GALNT13: variants seen among roughly 807,000 people sequenced by gnomAD.
The protein encoded by GALNT13 is UDP-GalNAc:polypeptide N-acetylgalactosaminyltransferase 13.
GALNT13 carries 28 observed loss-of-function variants against 64.2 expected under a neutral mutation model. That is an observed-to-expected ratio of 0.44 (90% confidence interval 0.32 to 0.60). The LOEUF is 0.60. Among genes scored for constraint, GALNT13 ranks in the 20% least tolerant of loss-of-function variants. The probability of loss-of-function intolerance (pLI) is 0.05; values close to 1 mark genes in which losing one functional copy is unlikely to be tolerated. For synonymous variants in GALNT13, 214 were observed against 224.6 expected, an observed-to-expected ratio of 0.95 and a Z score of 0.42; for missense variants, 577 against 669.8, an observed-to-expected ratio of 0.86 and a Z score of 1.53.
intron 4 of GALNT13, among the ~76,000 whole-genome samples, chr2:154,163,514 G>A (rs949971198): frequency 3.3e-5 from 5 of 152,086 alleles, no homozygotes; most frequent in African/African-American, 1.2e-4. Context: ...CTTTAGTACG[G>A]TGTTCTGTTA....
At chr2:153,162,759 A>C in the GALNT13 span, among the ~76,000 whole-genome samples, 3 of 152,240 alleles carry the variant, frequency 2.0e-5, no homozygotes, top group Non-Finnish European at 4.4e-5. Context: ...GAAAATGTCA[A>C]ATGTAGTGAG....
At chr2:154,179,449 AACTTCC>A (rs1383958357) in intron 4 of GALNT13, among the ~76,000 whole-genome samples, 2 of 152,146 alleles carry the variant, frequency 1.3e-5, no homozygotes, top group African/African-American at 4.8e-5. Flanking sequence ...TGTATGATTT[AACTTCC>A]TGTTGATTCT....
chr2:153,203,654 C>T, the GALNT13 span, among the ~76,000 whole-genome samples: 1 of 152,156 alleles, frequency 6.6e-6, no homozygotes. Context: ...TATATAGTTG[C>T]ATTGAACAGT....
intron 3 of GALNT13, among the ~76,000 whole-genome samples, chr2:154,090,716 G>A (rs763197036): frequency 5.9e-5 from 9 of 151,726 alleles, no homozygotes; most frequent in Non-Finnish European, 1.3e-4. Flanking sequence ...TCCTCTATTA[G>A]GATATTTTAT....
intron 9 of GALNT13, among the ~76,000 whole-genome samples, chr2:154,365,658 T>C (rs1392786849): frequency 1.3e-5 from 2 of 152,224 alleles, no homozygotes; most frequent in Non-Finnish European, 2.9e-5. Context: ...TAAGGAAATG[T>C]TTCTTCACCA....
chr2:153,068,325 G>A, the GALNT13 span, among the ~76,000 whole-genome samples: 1 of 152,170 alleles, frequency 6.6e-6, no homozygotes, highest in Admixed American at 6.5e-5. Flanking sequence ...TTAAATGGTA[G>A]GGCTGAACTT....
At chr2:153,212,899 A>AT in the GALNT13 span, among the ~76,000 whole-genome samples, 373 of 152,334 alleles carry the variant, frequency 2.4e-3, no homozygotes, top group Non-Finnish European at 4.2e-3. Context: ...ATTTCAAGTT[A>AT]TGTTGCTGTG....
chr2:153,762,938 AT>A, the GALNT13 span, among the ~76,000 whole-genome samples: 2 of 151,956 alleles, frequency 1.3e-5, no homozygotes. Context: ...TAAGACTTGC[AT>A]AAAACATACT....
intron 2 of GALNT13, among the ~76,000 whole-genome samples, chr2:153,925,058 A>G (rs1424218757): frequency 6.6e-6 from 1 of 152,158 alleles, no homozygotes; most frequent in Non-Finnish European, 1.5e-5. Context: ...CTTTAATTTA[A>G]TTAGATTCCA....
intron 4 of GALNT13, among the ~76,000 whole-genome samples, chr2:154,203,529 A>C (rs1336459545): frequency 6.6e-6 from 1 of 152,106 alleles, no homozygotes; most frequent in African/African-American, 2.4e-5. Flanking sequence ...ACCTCCTCCT[A>C]GTCATGTAAT....
chr2:153,706,451 G>T, the GALNT13 span, among the ~76,000 whole-genome samples: 1 of 152,164 alleles, frequency 6.6e-6, no homozygotes, highest in African/African-American at 2.4e-5. Context: ...CTCAACTAGA[G>T]ATTAATGTAT....
At chr2:153,872,619 C>T (rs71351089) in intron 1 of GALNT13, among the ~76,000 whole-genome samples, 12 of 16,282 alleles carry the variant, frequency 7.4e-4, no homozygotes, top group Non-Finnish European at 1.0e-3. Flanking sequence ...TTGTTGGTGG[C>T]GGGGGGGGGG....
At chr2:154,353,290 T>TTA (rs1696516290) in intron 9 of GALNT13, among the ~76,000 whole-genome samples, 2 of 152,124 alleles carry the variant, frequency 1.3e-5, no homozygotes, top group Admixed American at 1.3e-4. Context: ...TTTAAAAAAA[T>TTA]TATATTCACT....
the GALNT13 span, among the ~76,000 whole-genome samples, chr2:153,299,846 G>A: frequency 1.3e-5 from 2 of 152,114 alleles, no homozygotes; most frequent in Non-Finnish European, 2.9e-5. Flanking sequence ...TTCCATATTT[G>A]TAGCATTTCA....
chr2:153,520,553 C>G, the GALNT13 span, among the ~76,000 whole-genome samples: 2 of 152,202 alleles, frequency 1.3e-5, no homozygotes, highest in East Asian at 3.9e-4. Flanking sequence ...TCTTTATTTT[C>G]TGGTCAGAAA....
chr2:154,242,072 T>C lies in GALNT13; in HGVS notation c.354T>C (p.Ser118=). The C allele has an allele frequency of 6.2e-7, 1 of 1,608,952 alleles. No individual in the cohort carries two copies. The highest frequency in any genetic ancestry group is 1.1e-5 in the South Asian group (1 of 90,488). Residue 118 remains serine (S), a synonymous_variant, in exon 5 of 13, where the codon AGT becomes AGC. Coordinates refer to ENST00000392825, the MANE Select transcript of GALNT13 (RefSeq NM_052917.4). ...KVYPDELPNT[S]VVIVFHNEAW... ...ACCCTGATGAACTTCCAAACACAAG[T>C]GTAGTCATTGTGTTTCATAATGAAG...
At chr2:153,176,474 A>G in the GALNT13 span, among the ~76,000 whole-genome samples, 9 of 152,288 alleles carry the variant, frequency 5.9e-5, no homozygotes, top group East Asian at 9.7e-4. Flanking sequence ...ATGAATAGTT[A>G]ATGTACATTC....
chr2:153,767,512 C>CA, the GALNT13 span, among the ~76,000 whole-genome samples: 8 of 152,058 alleles, frequency 5.3e-5, no homozygotes, highest in East Asian at 1.9e-4. Flanking sequence ...TTTAGTTCTA[C>CA]AAAAAATCCC....
At chr2:153,996,029 T>C (rs927204231) in intron 3 of GALNT13, among the ~76,000 whole-genome samples, 5 of 152,184 alleles carry the variant, frequency 3.3e-5, no homozygotes, top group African/African-American at 7.2e-5. Flanking sequence ...AATAGCCGAA[T>C]AGCATTCCAG....
Sources: allele counts gnomAD v4.1 joint callset (sites outside exome capture counted in the v4.1 genomes callset), GRCh38; gene constraint gnomAD v4.1.1; transcripts MANE v1.5; gene names NCBI Gene and HGNC (gene_info 2026-07-23, HGNC 2026-07-21).